The following AFF3 variants were observed in gnomAD, a reference collection of about 807,000 sequenced individuals.
The protein encoded by AFF3 is AF4/FMR2 family member 3.
In AFF3, 32 loss-of-function variants were observed where a neutral mutation model predicts 129.7. The observed-to-expected ratio is 0.25, with a 90% CI of 0.19 to 0.33. The LOEUF (loss-of-function observed/expected upper bound fraction) is 0.33, where lower values mean the gene tolerates loss of function less well. AFF3 is among the 10% of genes least tolerant of loss of function. The pLI, the probability that AFF3 is intolerant of heterozygous loss-of-function variation, is 1.00. For missense variants in AFF3, 1,373 were observed against 1,592.0 expected (o/e 0.86, Z 2.34); for synonymous variants, 644 against 635.4 (o/e 1.01, Z -0.20).
At chr2:99,628,596 A>G (rs1166907318) in intron 13 of AFF3, among the ~76,000 whole-genome samples, 1 of 149,902 alleles carries the variant, frequency 6.7e-6, no homozygotes, top group East Asian at 2.0e-4. Flanking sequence ...TCGCTCTGTC[A>G]CCCATGCTGG....
chr2:99,813,084 G>A (rs557883967), intron 8 of AFF3, among the ~76,000 whole-genome samples: 3 of 152,008 alleles, frequency 2.0e-5, no homozygotes, highest in South Asian at 2.1e-4. Context: ...ACAAGTCTGC[G>A]CTTCCCTTCT....
intron 11 of AFF3, chr2:99,707,439 T>C: frequency 1.0e-6 from 1 of 984,996 alleles, no homozygotes; most frequent in Non-Finnish European, 1.2e-6. Flanking sequence ...TATCAGATAA[T>C]TTTTTTGCAT....
At chr2:100,092,654 C>T (rs1405267223) in intron 4 of AFF3, among the ~76,000 whole-genome samples, 1 of 152,228 alleles carries the variant, frequency 6.6e-6, no homozygotes, top group Non-Finnish European at 1.5e-5. Flanking sequence ...CTGACCTGCA[C>T]TGGTCACTGC....
At chr2:99,860,098 C>T (rs1209359994) in intron 7 of AFF3, among the ~76,000 whole-genome samples, 1 of 152,136 alleles carries the variant, frequency 6.6e-6, no homozygotes, top group Non-Finnish European at 1.5e-5. Flanking sequence ...ACTTTTTAAA[C>T]TTATTAACAA....
intron 7 of AFF3, among the ~76,000 whole-genome samples, chr2:99,864,149 C>G (rs1410897641): frequency 6.6e-6 from 1 of 152,166 alleles, no homozygotes; most frequent in Admixed American, 6.5e-5. Context: ...CTAGCTTTCC[C>G]GTGCTTATGT....
chr2:99,667,059 C>A (rs532717383), intron 12 of AFF3, among the ~76,000 whole-genome samples: 2 of 152,262 alleles, frequency 1.3e-5, no homozygotes, highest in South Asian at 4.1e-4. Context: ...ATTAATAGAA[C>A]ACCCTACCCA....
intron 10 of AFF3, among the ~76,000 whole-genome samples, chr2:99,742,240 A>G (rs964802242): frequency 3.3e-5 from 5 of 152,076 alleles, no homozygotes; most frequent in African/African-American, 1.2e-4. Context: ...GCTACTTGGG[A>G]AGCTAATGTG....
At chr2:99,892,862 TA>T (rs1356584957) in intron 7 of AFF3, among the ~76,000 whole-genome samples, 1 of 152,052 alleles carries the variant, frequency 6.6e-6, no homozygotes, top group Non-Finnish European at 1.5e-5. Context: ...GGGAGATCAA[TA>T]TAATTGTGGA....
chr2:99,696,753 C>T (rs1428447804), intron 11 of AFF3, among the ~76,000 whole-genome samples: 6 of 152,120 alleles, frequency 3.9e-5, no homozygotes, highest in Non-Finnish European at 5.9e-5. Flanking sequence ...TAAAGCGATC[C>T]TCCCGCCATA....
chr2:100,027,843 G>T (rs1377108871), intron 4 of AFF3, among the ~76,000 whole-genome samples: 1 of 152,046 alleles, frequency 6.6e-6, no homozygotes, highest in Non-Finnish European at 1.5e-5. Context: ...ATTAATAAAT[G>T]TAACACCATT....
At chr2:100,005,262 G>A (rs1342415629) in intron 7 of AFF3, among the ~76,000 whole-genome samples, 3 of 152,118 alleles carry the variant, frequency 2.0e-5, no homozygotes, top group African/African-American at 7.2e-5. Flanking sequence ...TTTAACTAGA[G>A]TTTTATGAAC....
chr2:99,837,637 G>T, intron 7 of AFF3, 113 bp from the exon 8 acceptor site: 2 of 917,162 alleles, frequency 2.2e-6, no homozygotes, highest in Non-Finnish European at 1.7e-6. Flanking sequence ...CGAGTTACAG[G>T]TTGAGGGGAT....
In AFF3 at chr2:99,546,667, C is replaced by T. The variant is rs968532313; in HGVS notation, c.*4807G>A. 4.3e-6 allele frequency: 1 copy of T among 230,486 alleles called. No individual in the cohort carries two copies. Among genetic ancestry groups the T allele is most frequent in the African/African-American group, 2.2e-5 (1 of 45,174 alleles). The allele number at this position is 230,486 out of a possible 1,614,324, so 14.3% of individuals were successfully genotyped here. On this transcript the variant is annotated 3_prime_UTR_variant, in exon 25 of 25. Transcript: ENST00000672756. Reference sequence around the variant, plus strand: ...AACTTACCCTCCCACATAGGGGATGCTTCATGTCAAGCCACTGGTCTAATG... The same window carrying T: ...AACTTACCCTCCCACATAGGGGATGTTTCATGTCAAGCCACTGGTCTAATG...
intron 13 of AFF3, among the ~76,000 whole-genome samples, chr2:99,609,177 C>A (rs940452433): frequency 1.3e-5 from 2 of 151,910 alleles, no homozygotes; most frequent in Middle Eastern, 3.4e-3. Flanking sequence ...TACCAAACAC[C>A]ATTTTGTATT....
intron 13 of AFF3, among the ~76,000 whole-genome samples, chr2:99,626,806 C>T (rs1223524685): frequency 6.6e-6 from 1 of 152,148 alleles, no homozygotes; most frequent in Non-Finnish European, 1.5e-5. Context: ...TTAGCTTTCA[C>T]TTGTAAGTGA....
At chr2:99,578,233 G>C in intron 18 of AFF3, 94 bp downstream of exon 18, 2 of 1,462,970 alleles carry the variant, frequency 1.4e-6, no homozygotes, top group Non-Finnish European at 1.8e-6. Context: ...CACTGTAGCT[G>C]AAGGTGGCCA....
intron 4 of AFF3, among the ~76,000 whole-genome samples, chr2:100,011,075 C>T (rs1175343279): frequency 6.6e-6 from 1 of 152,082 alleles, no homozygotes; most frequent in Non-Finnish European, 1.5e-5. Context: ...GAGATCGAGG[C>T]CATCCTGGCT....
chr2:99,798,346 C>T (rs373073644), intron 8 of AFF3, among the ~76,000 whole-genome samples: 12 of 151,916 alleles, frequency 7.9e-5, no homozygotes, highest in Admixed American at 5.2e-4. Flanking sequence ...AATAATTATT[C>T]AATTACATTA....
chr2:99,918,326 G>A (rs1695620901), intron 7 of AFF3, among the ~76,000 whole-genome samples: 1 of 152,052 alleles, frequency 6.6e-6, no homozygotes, highest in Non-Finnish European at 1.5e-5. Flanking sequence ...GGTATATCTT[G>A]GGCCATTTAG....
Sources: allele counts gnomAD v4.1 joint callset (sites outside exome capture counted in the v4.1 genomes callset), GRCh38; gene constraint gnomAD v4.1.1; transcripts MANE v1.5; gene names NCBI Gene and HGNC (gene_info 2026-07-23, HGNC 2026-07-21).